Variants in ZNF346 observed in about 807,000 individuals in gnomAD.
ZNF346 encodes the protein zinc finger protein 346, also known as double-stranded RNA-binding zinc finger protein JAZ.
Under a neutral mutation model 33.7 loss-of-function variants are expected in ZNF346, and 23 were observed. The observed-to-expected ratio is 0.68, with a 90% confidence interval of 0.49 to 0.97. The LOEUF (loss-of-function observed/expected upper bound fraction) is 0.97, where lower values mean the gene tolerates loss of function less well. Ranked by LOEUF, ZNF346 falls within the 50% of genes least tolerant of loss-of-function variation. The pLI is 0.00. For missense variants in ZNF346, 340 were observed against 371.1 expected, an observed-to-expected ratio of 0.92 and a Z score of 0.69; for synonymous variants, 134 against 142.4, an observed-to-expected ratio of 0.94 and a Z score of 0.42.
Position 177,064,419 on chromosome 5 carries a change from C to G in ZNF346, c.798-93C>G, listed in dbSNP as rs1782936088. Reference sequence around the variant, plus strand: ...TGAAGGAAAGGTGTCCTGTCTATTACTCCAAGGCCCTGGAAGGGCAGTGCT... The same window carrying G: ...TGAAGGAAAGGTGTCCTGTCTATTAGTCCAAGGCCCTGGAAGGGCAGTGCT... On this transcript the variant is annotated intron_variant, in intron 6 of 6. Transcript: ENST00000358149. 1.8e-5 allele frequency: 18 copies of G among 1,014,398 alleles called. 1 individual carries two copies. Among genetic ancestry groups the G allele is most frequent in the South Asian group, 1.3e-4 (10 of 74,334 alleles). 62.8% of individuals were successfully genotyped at this position (1,014,398 alleles called of 1,614,324 possible).
chr5:177,024,912 C>T (rs1212629486), intron 1 of ZNF346, among the ~76,000 whole-genome samples: 1 of 152,198 alleles, frequency 6.6e-6, no homozygotes, highest in Non-Finnish European at 1.5e-5. Flanking sequence ...AGGTAGACAC[C>T]TACAACATTA....
chr5:177,049,761 A>G (rs940485940), intron 4 of ZNF346, among the ~76,000 whole-genome samples: 3 of 152,204 alleles, frequency 2.0e-5, no homozygotes, highest in Non-Finnish European at 4.4e-5. Context: ...TTTCTGAATA[A>G]TGTGGCAAAG....
intron 4 of ZNF346, among the ~76,000 whole-genome samples, chr5:177,046,996 A>C (rs1488069794): frequency 6.6e-6 from 1 of 151,672 alleles, no homozygotes; most frequent in Admixed American, 6.6e-5. Flanking sequence ...CATATGGATT[A>C]CACGTGTGGG....
At chr5:177,023,895 A>G (rs894139736) in intron 1 of ZNF346, among the ~76,000 whole-genome samples, 5 of 151,766 alleles carry the variant, frequency 3.3e-5, no homozygotes, top group Non-Finnish European at 7.4e-5. Context: ...ATAAAATTGA[A>G]ATTTTGACCA....
chr5:177,079,544 C>A (rs908714197), exon 9 of ZNF346: 1 of 152,160 alleles, frequency 6.6e-6, no homozygotes, highest in African/African-American at 2.4e-5. Flanking sequence ...ACCTGGAGAA[C>A]GGACGAGTCC....
chr5:177,038,582 C>T (rs1007375751), intron 1 of ZNF346, among the ~76,000 whole-genome samples: 3 of 151,766 alleles, frequency 2.0e-5, no homozygotes, highest in African/African-American at 7.3e-5. Flanking sequence ...ACACAAAGCA[C>T]GTATTATAAA....
At chr5:177,072,100 G>T (rs541170481), downstream of ZNF346, among the ~76,000 whole-genome samples, 94 of 152,336 alleles carry the variant, frequency 6.2e-4, no homozygotes, top group Middle Eastern at 0.024. Flanking sequence ...AGAACAGGGT[G>T]ACTTCACGAG....
At chr5:177,074,153 ATAAT>A (rs1295085031) in intron 8 of ZNF346, among the ~76,000 whole-genome samples, 1 of 152,232 alleles carries the variant, frequency 6.6e-6, no homozygotes, top group Non-Finnish European at 1.5e-5. Flanking sequence ...ATTGTTTTAA[ATAAT>A]TAAGTTTGGG....
downstream of ZNF346, among the ~76,000 whole-genome samples, chr5:177,071,877 G>C (rs1783522376): frequency 6.6e-6 from 1 of 152,048 alleles, no homozygotes; most frequent in Non-Finnish European, 1.5e-5. Flanking sequence ...GCAAAGCCCT[G>C]TTACAGAGAC....
chr5:177,038,125 G>A (rs1003563596), intron 1 of ZNF346, among the ~76,000 whole-genome samples: 3 of 140,310 alleles, frequency 2.1e-5, no homozygotes, highest in Admixed American at 7.3e-5. Context: ...GTCTTTCTCT[G>A]TTGCCTAGGC....
At position 177,062,121 on chromosome 5, in the gene ZNF346, C is replaced by G. The variant is rs146769030; in HGVS notation, c.767C>G (p.Ala256Gly). 1 of 1,614,122 alleles carries G rather than the reference C, an allele frequency of 6.2e-7. No homozygotes were observed. The highest frequency in any genetic ancestry group is 1.3e-5 in the African/African-American group (1 of 75,050). The change falls in exon 6 of 7, where the codon GCT (alanine) becomes GGT (glycine). Residue 256 changes from alanine (A) to glycine (G), a missense_variant. Ala to Gly is a moderately conservative substitution (Grantham distance 60, BLOSUM62 0). Coordinates refer to ENST00000358149, the MANE Select transcript of ZNF346 (RefSeq NM_012279.4). ...CTGAACTCCATAGAACAGTACCAAG[C>G]TCATGTCAGCGGCTTCAAACACAAG... ...IVLNSIEQYQ[A>G]HVSGFKHKNQ...
chr5:177,023,308 C>T, intron 1 of ZNF346: 1 of 1,060,472 alleles, frequency 9.4e-7, no homozygotes, highest in Non-Finnish European at 1.4e-6. Context: ...CTCCTAGGGC[C>T]TCTCGCCTCC....
chr5:177,035,546 C>T (rs13328185), intron 1 of ZNF346, among the ~76,000 whole-genome samples: 19,673 of 151,344 alleles, frequency 0.13, 3,023 homozygotes, highest in African/African-American at 0.37. Flanking sequence ...CTGCAGCCTC[C>T]GCCTCCCGGG....
downstream of ZNF346, among the ~76,000 whole-genome samples, chr5:177,069,789 G>T (rs1361517179): frequency 3.3e-5 from 5 of 152,014 alleles, no homozygotes; most frequent in African/African-American, 9.7e-5. Flanking sequence ...AGCCTCCCAA[G>T]TAGCTGGGAC....
chr5:177,022,998 C>T, intron 1 of ZNF346, 85 bp downstream of exon 1: 1 of 1,446,766 alleles, frequency 6.9e-7, no homozygotes, highest in Admixed American at 2.4e-5. Flanking sequence ...GGTCACACCC[C>T]CTGGCCCGCC....
At position 177,064,880 on chromosome 5, in the gene ZNF346, C is replaced by T; in HGVS notation, c.*281C>T. 7.3e-6 allele frequency: 3 copies of T among 413,614 alleles called. No individual in the cohort carries two copies. The highest frequency in any genetic ancestry group is 1.3e-5 in the Non-Finnish European group (3 of 227,164). The allele number at this position is 413,614 out of a possible 1,614,324, so 25.6% of individuals were successfully genotyped here. ...GAGGGTGGCTTTCCCCATTTCCCAA[C>T]CCCTCTGGGCCTTAGGTGCTGAGGC... On this transcript the variant is annotated 3_prime_UTR_variant, in exon 7 of 7. Transcript: ENST00000358149.
At chr5:177,033,465 C>A (rs1300775443) in intron 1 of ZNF346, among the ~76,000 whole-genome samples, 1 of 152,206 alleles carries the variant, frequency 6.6e-6, no homozygotes, top group Non-Finnish European at 1.5e-5. Flanking sequence ...TAGGTTTCAT[C>A]TTCCTAAGGA....
rs753725374 is a variant in ZNF346, at chr5:177,044,539, G to A, written c.517+6G>A. The A allele has an allele frequency of 6.2e-7, 1 of 1,613,264 alleles. No individual in the cohort carries two copies. The highest frequency in any genetic ancestry group is 8.5e-7 in the Non-Finnish European group (1 of 1,179,938). ...GCAGTCCACTAAGGTGGAAGGTACTGGTTTTCCTGAGTAGTGCTATAGTGG... is the reference window on the plus strand; with the variant it reads ...GCAGTCCACTAAGGTGGAAGGTACTAGTTTTCCTGAGTAGTGCTATAGTGG... On this transcript the variant is annotated splice_donor_region_variant and intron_variant, in intron 4 of 6. Transcript: ENST00000358149.
intron 4 of ZNF346, 61 bp from the exon 5 acceptor site, chr5:177,050,690 T>G: frequency 6.3e-7 from 1 of 1,595,982 alleles, no homozygotes; most frequent in South Asian, 1.1e-5. Flanking sequence ...CTGTTTGAAC[T>G]CTCTCACTGC....
Sources: gnomAD v4.1 joint callset for allele counts (sites outside exome capture counted in the v4.1 genomes callset) on GRCh38, gnomAD v4.1.1 for gene constraint, MANE v1.5 for transcripts, NCBI Gene and HGNC (gene_info 2026-07-23, HGNC 2026-07-21) for gene names.